The following KRABD4 variants were observed in gnomAD, a reference collection of about 807,000 sequenced individuals.
The protein encoded by KRABD4 is KRAB domain-containing protein 4.
chrX:46,458,420 C>T, the KRABD4 span, among the ~76,000 whole-genome samples: 2 of 111,499 alleles, frequency 1.8e-5, no homozygotes, highest in African/African-American at 6.5e-5. Flanking sequence ...AGAATTTTAC[C>T]CTAGACCTTT....
the KRABD4 span, among the ~76,000 whole-genome samples, chrX:46,461,737 CA>C: frequency 2.7e-5 from 3 of 111,955 alleles, no homozygotes; most frequent in Non-Finnish European, 5.6e-5. Context: ...GCCCAGGCCA[CA>C]AACCTCTGGC....
the KRABD4 span, among the ~76,000 whole-genome samples, chrX:46,458,031 C>T: frequency 9.0e-6 from 1 of 111,369 alleles, no homozygotes; most frequent in African/African-American, 3.3e-5. Flanking sequence ...CATGAGCCAC[C>T]GCACCTGGCC....
chrX:46,461,929 G>T, the KRABD4 span, among the ~76,000 whole-genome samples: 668 of 103,014 alleles, frequency 6.5e-3, 4 homozygotes, highest in African/African-American at 0.022. Context: ...CCCTGCCTCT[G>T]TTTCATCTAT....
the KRABD4 span, among the ~76,000 whole-genome samples, chrX:46,469,001 T>G: frequency 0.033 from 3,725 of 112,017 alleles, 53 homozygotes; most frequent in Non-Finnish European, 0.051. Context: ...AAATATATAA[T>G]GTAAACATTC....
the KRABD4 span, among the ~76,000 whole-genome samples, chrX:46,458,730 A>T: frequency 8.9e-6 from 1 of 111,952 alleles, no homozygotes; most frequent in East Asian, 2.8e-4. Flanking sequence ...AAAGATTTCC[A>T]AAGCAGTTCT....
At chrX:46,473,782 A>T in the KRABD4 span, 2 of 143,537 alleles carry the variant, frequency 1.4e-5, no homozygotes, top group African/African-American at 6.4e-5. Flanking sequence ...AACCTCCCAA[A>T]TAGTTGGGAT....
At chrX:46,467,546 C>T in the KRABD4 span, among the ~76,000 whole-genome samples, 2 of 110,957 alleles carry the variant, frequency 1.8e-5, no homozygotes, top group East Asian at 5.6e-4. Flanking sequence ...CAGAGTAAGA[C>T]CCTGTCTCTC....
At chrX:46,469,310 A>C in the KRABD4 span, among the ~76,000 whole-genome samples, 1 of 112,437 alleles carries the variant, frequency 8.9e-6, no homozygotes, top group Admixed American at 9.4e-5. Context: ...AGCCTTCTAA[A>C]TCATGAATAT....
the KRABD4 span, chrX:46,473,655 CTTTTTTT>C: frequency 5.5e-6 from 1 of 183,318 alleles, no homozygotes; most frequent in Non-Finnish European, 9.6e-6. Context: ...ATCAGTGAAT[CTTTTTTT>C]TTTTTTTTTT....
At chrX:46,449,459 T>C in the KRABD4 span, among the ~76,000 whole-genome samples, 1 of 112,287 alleles carries the variant, frequency 8.9e-6, no homozygotes. Flanking sequence ...AATTTTTGTT[T>C]TACTAGTGAT....
At chrX:46,453,583 G>A in the KRABD4 span, among the ~76,000 whole-genome samples, 949 of 111,507 alleles carry the variant, frequency 8.5e-3, 13 homozygotes, top group African/African-American at 0.03. Context: ...CTACTTCTTA[G>A]TTCCAAGCCC....
At chrX:46,450,875 G>C in the KRABD4 span, among the ~76,000 whole-genome samples, 1 of 109,218 alleles carries the variant, frequency 9.2e-6, no homozygotes, top group Non-Finnish European at 1.9e-5. Flanking sequence ...GCTAATTTTT[G>C]TATTTTTAGT....
At chrX:46,455,743 T>G in the KRABD4 span, 2 of 382,445 alleles carry the variant, frequency 5.2e-6, no homozygotes, top group Non-Finnish European at 9.5e-6. Flanking sequence ...TTCTGTTGAG[T>G]TTTGGATAAA....
the KRABD4 span, chrX:46,472,676 A>T: frequency 9.0e-7 from 1 of 1,112,831 alleles, no homozygotes; most frequent in South Asian, 2.0e-5. Flanking sequence ...TTGGGCATTT[A>T]GGGATTAATG....
chrX:46,451,297 A>G, the KRABD4 span, among the ~76,000 whole-genome samples: 1 of 111,715 alleles, frequency 9.0e-6, no homozygotes, highest in Non-Finnish European at 1.9e-5. Context: ...TGTCAATTTA[A>G]TGAACCAAAA....
the KRABD4 span, among the ~76,000 whole-genome samples, chrX:46,460,648 G>A: frequency 1.1e-5 from 1 of 91,487 alleles, no homozygotes; most frequent in African/African-American, 5.5e-5. Flanking sequence ...GAGAAACAAG[G>A]TCTTGCTCTG....
At chrX:46,455,322 A>T in the KRABD4 span, 1 of 566,231 alleles carries the variant, frequency 1.8e-6, no homozygotes, top group African/African-American at 2.3e-5. Context: ...TTCTGCAATC[A>T]CTGTCAATAT....
chrX:46,460,447 G>T, the KRABD4 span, among the ~76,000 whole-genome samples: 1 of 109,065 alleles, frequency 9.2e-6, no homozygotes, highest in East Asian at 2.9e-4. Context: ...GGGCAGGGGG[G>T]TGGATATTAC....
At chrX:46,456,942 A>G in the KRABD4 span, 1 of 269,252 alleles carries the variant, frequency 3.7e-6, no homozygotes, top group Non-Finnish European at 6.7e-6. Context: ...GGTTTTAGCC[A>G]CTTTTAACAG....
Sources: gnomAD v4.1 joint callset for allele counts (sites outside exome capture counted in the v4.1 genomes callset) on GRCh38, gnomAD v4.1.1 for gene constraint, MANE v1.5 for transcripts, NCBI Gene and HGNC (gene_info 2026-07-23, HGNC 2026-07-21) for gene names.